The following TENM3 variants were observed in gnomAD, a reference collection of about 807,000 sequenced individuals.
The protein encoded by TENM3 is teneurin transmembrane protein 3, also known as teneurin-3.
TENM3 carries 63 observed loss-of-function variants against 255.1 expected under a neutral mutation model. The observed-to-expected ratio is 0.25, with a 90% CI of 0.20 to 0.30. The LOEUF (loss-of-function observed/expected upper bound fraction) is 0.30, where lower values mean the gene tolerates loss of function less well. Ranked by LOEUF, TENM3 falls within the 10% of genes least tolerant of loss-of-function variation. The pLI is 1.00. For synonymous variants in TENM3, 1,306 were observed against 1,322.3 expected (o/e 0.99, Z 0.27); for missense variants, 2,929 against 3,461.1 (o/e 0.85, Z 3.86).
At chr4:182,286,565 G>A (rs1159774166) in intron 1 of TENM3, among the ~76,000 whole-genome samples, 1 of 152,158 alleles carries the variant, frequency 6.6e-6, no homozygotes. Context: ...GATGCAGAAG[G>A]TTGTGGGTGG....
In TENM3 at chr4:182,802,263, A is replaced by G. The variant is rs1767030946; in HGVS notation, c.*1912A>G. The stretch of plus-strand genomic sequence containing the variant: ...TGCTGATGATATTTTATTAGAATGA[A>G]AGCACAGATTAGCATTAATATTTTT... On this transcript the variant is annotated 3_prime_UTR_variant, in exon 28 of 28. Coordinates refer to ENST00000511685, the MANE Select transcript of TENM3 (RefSeq NM_001080477.4). The G allele has an allele frequency of 2.6e-5, 4 of 152,666 alleles. No individual in the cohort carries two copies. The highest frequency in any genetic ancestry group is 2.6e-4 in the Admixed American group (4 of 15,286). 9.5% of individuals were successfully genotyped at this position (152,666 alleles called of 1,614,324 possible).
chr4:181,949,169 G>T, the TENM3 span, among the ~76,000 whole-genome samples: 1 of 152,110 alleles, frequency 6.6e-6, no homozygotes, highest in South Asian at 2.1e-4. Context: ...AGCAGAAATT[G>T]AACTTGTCAG....
chr4:182,548,955 C>T (rs181237695), intron 3 of TENM3, among the ~76,000 whole-genome samples: 1 of 152,068 alleles, frequency 6.6e-6, no homozygotes, highest in East Asian at 2.0e-4. Flanking sequence ...ATATTTTCTA[C>T]AGAACCTGTC....
intron 12 of TENM3, among the ~76,000 whole-genome samples, chr4:182,698,680 A>G (rs1757617960): frequency 6.6e-6 from 1 of 152,110 alleles, no homozygotes; most frequent in African/African-American, 2.4e-5. Flanking sequence ...AGCTCTCACT[A>G]TTGACATCAG....
Position 182,184,813 on chromosome 4 carries a change from G to A in TENM3, c.-76+40059G>A, listed in dbSNP as rs138372156. Among the ~76,000 whole-genome samples, 1,167 of 152,118 alleles carry A rather than the reference G, an allele frequency of 7.7e-3. 15 individuals are homozygous for A. The highest frequency in any genetic ancestry group is 0.026 in the African/African-American group (1,097 of 41,478). On this transcript the variant is annotated intron_variant, in intron 1 of 2. Coordinates refer to the TENM3 transcript ENST00000512480. ...TGAAAAACCTCTATTTTGGCCGGGC[G>A]TGGTGGCTCACACCTGTGATCCCTA...
the TENM3 span, among the ~76,000 whole-genome samples, chr4:181,560,970 T>C: frequency 4.7e-3 from 718 of 152,326 alleles, 13 homozygotes; most frequent in South Asian, 0.056. Context: ...TTTATTTTTT[T>C]TCTTAAGGCA....
At chr4:182,115,125 G>C in the TENM3 span, among the ~76,000 whole-genome samples, 2 of 152,152 alleles carry the variant, frequency 1.3e-5, no homozygotes, top group Non-Finnish European at 2.9e-5. Context: ...AGGTTACAGT[G>C]AGCCAAGATC....
At chr4:181,984,161 T>C in the TENM3 span, among the ~76,000 whole-genome samples, 1 of 152,096 alleles carries the variant, frequency 6.6e-6, no homozygotes, top group South Asian at 2.1e-4. Flanking sequence ...CATTTTCCTC[T>C]GATCTCAGAA....
intron 3 of TENM3, among the ~76,000 whole-genome samples, chr4:182,504,924 T>C (rs956816609): frequency 3.3e-5 from 5 of 152,234 alleles, no homozygotes; most frequent in African/African-American, 1.2e-4. Context: ...GGTATCATGA[T>C]GTTATATATT....
intron 3 of TENM3, among the ~76,000 whole-genome samples, chr4:182,474,034 A>C (rs1733422464): frequency 6.6e-6 from 1 of 152,178 alleles, no homozygotes; most frequent in African/African-American, 2.4e-5. Context: ...GGTAATTATA[A>C]TTGTTCGTGG....
intron 3 of TENM3, among the ~76,000 whole-genome samples, chr4:182,469,488 G>T (rs554321061): frequency 1.3e-5 from 2 of 152,240 alleles, no homozygotes; most frequent in East Asian, 3.9e-4. Flanking sequence ...GCTGAGGCAG[G>T]CATATCACTT....
the TENM3 span, among the ~76,000 whole-genome samples, chr4:181,879,564 G>C: frequency 6.6e-6 from 1 of 152,084 alleles, no homozygotes; most frequent in Non-Finnish European, 1.5e-5. Flanking sequence ...TCTTCTCATG[G>C]GAAAGTGTTT....
intron 1 of TENM3, among the ~76,000 whole-genome samples, chr4:182,229,432 A>G (rs1234189065): frequency 6.6e-6 from 1 of 152,124 alleles, no homozygotes; most frequent in Non-Finnish European, 1.5e-5. Context: ...GAGTAACATA[A>G]TACCTTCTAT....
intron 3 of TENM3, among the ~76,000 whole-genome samples, chr4:182,484,193 A>G (rs577453048): frequency 6.6e-6 from 1 of 152,246 alleles, no homozygotes; most frequent in Non-Finnish European, 1.5e-5. Context: ...AGTGTATTTA[A>G]TCCTTACACC....
chr4:182,682,017 G>A lies in TENM3; in HGVS notation c.2035+3G>A. 1 of 1,613,256 alleles carries A rather than the reference G, an allele frequency of 6.2e-7. No individual in the cohort carries two copies. Among genetic ancestry groups the A allele is most frequent in the Non-Finnish European group, 8.5e-7 (1 of 1,179,506 alleles). ...GACTGGCCCAGACTGCTCAAACGGT[G>A]AGGTTAATAAATGCAGTACAATCGA... On this transcript the variant is annotated splice_donor_region_variant and intron_variant, in intron 11 of 27. Coordinates refer to ENST00000511685, the MANE Select transcript of TENM3 (RefSeq NM_001080477.4).
intron 3 of TENM3, among the ~76,000 whole-genome samples, chr4:182,378,955 G>T (rs1170599683): frequency 6.6e-6 from 1 of 151,974 alleles, no homozygotes; most frequent in Non-Finnish European, 1.5e-5. Flanking sequence ...AAATAACTGG[G>T]TACGTGGCAG....
intron 8 of TENM3, 26 bp from the exon 9 acceptor site, chr4:182,680,222 G>A (rs1370109139): frequency 2.0e-6 from 3 of 1,514,320 alleles, no homozygotes; most frequent in Non-Finnish European, 2.8e-6. Context: ...TATACAACAA[G>A]TGTTCCTTCT....
chr4:181,617,695 G>A, the TENM3 span, among the ~76,000 whole-genome samples: 2 of 152,174 alleles, frequency 1.3e-5, no homozygotes, highest in Non-Finnish European at 2.9e-5. Flanking sequence ...CATGGACTAC[G>A]ACTAGAAATA....
At chr4:182,379,730 G>A (rs1348029036) in intron 3 of TENM3, among the ~76,000 whole-genome samples, 1 of 152,196 alleles carries the variant, frequency 6.6e-6, no homozygotes, top group Non-Finnish European at 1.5e-5. Flanking sequence ...GCAGAGTCCA[G>A]CCCTGAGCCA....
Sources: gnomAD v4.1 joint callset for allele counts (sites outside exome capture counted in the v4.1 genomes callset) on GRCh38, gnomAD v4.1.1 for gene constraint, MANE v1.5 for transcripts, NCBI Gene and HGNC (gene_info 2026-07-23, HGNC 2026-07-21) for gene names.